The following ANTXR2 variants were observed in gnomAD, a reference collection of about 807,000 sequenced individuals.
ANTXR2 encodes ANTXR cell adhesion molecule 2.
A neutral mutation model predicts 73.7 loss-of-function variants in ANTXR2; 44 were observed. The ratio of observed to expected loss-of-function variants is 0.60; its 90% CI spans 0.47 to 0.77. The LOEUF (loss-of-function observed/expected upper bound fraction) is 0.77, where lower values mean the gene tolerates loss of function less well. ANTXR2 is among the 30% of genes least tolerant of loss of function. ANTXR2 has a pLI of 0.00. For missense variants in ANTXR2, 604 were observed against 592.5 expected (o/e 1.02, Z -0.20); for synonymous variants, 217 against 205.9 (o/e 1.05, Z -0.46).
intron 16 of ANTXR2, among the ~76,000 whole-genome samples, chr4:79,950,122 AAT>A (rs34387116): frequency 0.1 from 15,926 of 152,054 alleles, 1,931 homozygotes; most frequent in East Asian, 0.66. Flanking sequence ...TTTTAAATTA[AAT>A]AGTCATCCTA....
intron 7 of ANTXR2, among the ~76,000 whole-genome samples, chr4:80,051,456 GA>G (rs560953222): frequency 7.9e-5 from 12 of 151,276 alleles, no homozygotes; most frequent in Non-Finnish European, 1.8e-4. Flanking sequence ...GCTCATTGAG[GA>G]AAAAAAGGAG....
rs373907267 is a variant in ANTXR2 at position 79,907,445 on chromosome 4, C to A, written c.1451G>T (p.Arg484Leu). The A allele has an allele frequency of 6.2e-7, 1 of 1,612,502 alleles. No individual in the cohort carries two copies. The highest frequency in any genetic ancestry group is 8.5e-7 in the Non-Finnish European group (1 of 1,179,228). The change falls in exon 17 of 17, where the codon CGA (arginine) becomes CTA (leucine). Residue 484 changes from arginine (R) to leucine (L), a missense_variant. Coordinates refer to ENST00000403729, the MANE Select transcript of ANTXR2 (RefSeq NM_058172.6). ...GCTTCCCTTTTACTGAGATGGAACT[C>A]GGGAGAAGTTTATGCACCGGCCCTG... is the stretch of plus-strand genomic sequence containing the variant. Reference protein sequence around the residue: ...GDEGRCINFSRVPSQ With the variant: ...GDEGRCINFSLVPSQ
chr4:79,990,041 G>A (rs1436877334), intron 12 of ANTXR2, among the ~76,000 whole-genome samples: 2 of 151,956 alleles, frequency 1.3e-5, no homozygotes, highest in African/African-American at 2.4e-5. Flanking sequence ...ACAGGCAAAA[G>A]ATGGAAGCAT....
At chr4:79,922,763 G>A (rs1482169251) in intron 16 of ANTXR2, among the ~76,000 whole-genome samples, 2 of 152,010 alleles carry the variant, frequency 1.3e-5, no homozygotes, top group African/African-American at 4.8e-5. Flanking sequence ...ATTGGGTCCA[G>A]AGCTCGTGTA....
At chr4:79,935,359 C>T (rs1466592840) in intron 16 of ANTXR2, among the ~76,000 whole-genome samples, 3 of 132,394 alleles carry the variant, frequency 2.3e-5, no homozygotes, top group African/African-American at 8.3e-5. Flanking sequence ...TTATAATTTG[C>T]TCAACTATAA....
chr4:80,055,173 C>T lies in ANTXR2; in HGVS notation c.532G>A (p.Val178Ile), dbSNP rs1433416506. 5 of 1,565,346 alleles carry T rather than the reference C, an allele frequency of 3.2e-6. No individual in the cohort carries two copies. The Admixed American group carries it at 7.6e-5, about 24-fold the overall frequency. The change falls in exon 6 of 17, where the codon GTC (valine) becomes ATC (isoleucine). Residue 178 changes from valine to isoleucine, a missense_variant. Val to Ile is a conservative substitution (Grantham distance 29). Coordinates refer to ENST00000403729, the MANE Select transcript of ANTXR2 (RefSeq NM_058172.6). Reference sequence around the variant, plus strand: ...ACCTGTGCTTGTTCAAAATCAAGGACACCAACACAATAAACACTAGCCCCA... The same window carrying T: ...ACCTGTGCTTGTTCAAAATCAAGGATACCAACACAATAAACACTAGCCCCA... Reference protein sequence around the residue: ...SLGASVYCVGVLDFEQAQLER... With the variant: ...SLGASVYCVGILDFEQAQLER...
chr4:80,011,239 A>G (rs1731559352), intron 11 of ANTXR2, among the ~76,000 whole-genome samples: 1 of 152,152 alleles, frequency 6.6e-6, no homozygotes, highest in Non-Finnish European at 1.5e-5. Flanking sequence ...ACATGATGGG[A>G]AAAGCGTCAG....
At chr4:79,916,666 A>C (rs1212050196) in intron 16 of ANTXR2, among the ~76,000 whole-genome samples, 1 of 152,148 alleles carries the variant, frequency 6.6e-6, no homozygotes, top group Non-Finnish European at 1.5e-5. Flanking sequence ...CCAGGAAGAG[A>C]AAAGTCGAAT....
At chr4:79,908,787 T>A (rs1249540856) in intron 16 of ANTXR2, among the ~76,000 whole-genome samples, 1 of 152,198 alleles carries the variant, frequency 6.6e-6, no homozygotes, top group Non-Finnish European at 1.5e-5. Context: ...ATAGGTCATG[T>A]ACTCCAGACT....
intron 15 of ANTXR2, 26 bp from the exon 16 acceptor site, chr4:79,977,727 T>A: frequency 6.5e-7 from 1 of 1,548,608 alleles, no homozygotes; most frequent in Non-Finnish European, 8.7e-7. Flanking sequence ...ATTTGTGAAT[T>A]CCCAGAGAAT....
chr4:80,071,501 C>G, intron 2 of ANTXR2, 82 bp downstream of exon 2: 1 of 1,211,840 alleles, frequency 8.3e-7, no homozygotes, highest in Non-Finnish European at 1.2e-6. Context: ...AAAAGTTTTT[C>G]CTATAAAAGG....
chr4:80,049,440 G>A (rs374386578), intron 7 of ANTXR2, among the ~76,000 whole-genome samples: 20 of 151,794 alleles, frequency 1.3e-4, no homozygotes, highest in African/African-American at 3.9e-4. Flanking sequence ...AATCTGAAGT[G>A]GAAAGTGAAA....
At chr4:79,962,084 T>A (rs1367829548) in intron 16 of ANTXR2, among the ~76,000 whole-genome samples, 4 of 152,186 alleles carry the variant, frequency 2.6e-5, no homozygotes, top group African/African-American at 4.8e-5. Flanking sequence ...GAAACCAGAC[T>A]GAGTCAACAC....
chr4:79,949,361 T>C (rs986036770), intron 16 of ANTXR2, among the ~76,000 whole-genome samples: 5 of 152,172 alleles, frequency 3.3e-5, no homozygotes, highest in African/African-American at 1.2e-4. Flanking sequence ...AAGTGTCAAA[T>C]GCAGGTCATT....
In ANTXR2 at chr4:80,055,229, T is replaced by C; in HGVS notation, c.487-11A>G. ...CCTGGATATCTTTGCCTATGGAGAA[T>C]GAGGAGGGAAAGAGAGAAAAAAAGA... On this transcript the variant is annotated splice_polypyrimidine_tract_variant and intron_variant, in intron 5 of 16. Transcript: ENST00000403729. The C allele has an allele frequency of 5.8e-6, 9 of 1,564,502 alleles. No individual in the cohort carries two copies. The highest frequency in any genetic ancestry group is 7.8e-6 in the Non-Finnish European group (9 of 1,152,390).
Position 80,026,232 on chromosome 4 carries a change from A to C in ANTXR2, c.866+5391T>G, listed in dbSNP as rs4637335. ...ATCCTGTTCTCATGATGGTGAGTGAATCTCACGAGATCTGATGGTTTTAAA... is the reference window on the plus strand; with the variant it reads ...ATCCTGTTCTCATGATGGTGAGTGACTCTCACGAGATCTGATGGTTTTAAA... On this transcript the variant is annotated intron_variant, in intron 10 of 16. Transcript: ENST00000403729. 3.3e-5 allele frequency among the ~76,000 whole-genome samples: 5 copies of C among 151,884 alleles called. No individual in the cohort carries two copies. In the East Asian group the frequency reaches 7.8e-4, roughly 24 times the overall value.
At chr4:80,061,930 A>T (rs1434898855) in intron 3 of ANTXR2, among the ~76,000 whole-genome samples, 1 of 152,162 alleles carries the variant, frequency 6.6e-6, no homozygotes, top group Non-Finnish European at 1.5e-5. Flanking sequence ...TAACGGATGA[A>T]CCTCTAACAA....
chr4:80,055,083 T>A, intron 6 of ANTXR2, 67 bp downstream of exon 6: 1 of 1,404,344 alleles, frequency 7.1e-7, no homozygotes, highest in Non-Finnish European at 9.8e-7. Flanking sequence ...GTGAAAAGAA[T>A]TTGTTAAACT....
chr4:79,984,718 G>T (rs74747458), intron 13 of ANTXR2, 101 bp downstream of exon 13: 22 of 970,286 alleles, frequency 2.3e-5, no homozygotes, highest in South Asian at 1.7e-4. Flanking sequence ...CAGTACATAG[G>T]TATCATAGTT....
Sources: allele counts gnomAD v4.1 joint callset (sites outside exome capture counted in the v4.1 genomes callset), GRCh38; gene constraint gnomAD v4.1.1; transcripts MANE v1.5; gene names NCBI Gene and HGNC (gene_info 2026-07-23, HGNC 2026-07-21).